Variants in ZCCHC7 observed in about 807,000 individuals in gnomAD.
ZCCHC7 encodes zinc finger CCHC-type containing 7.
ZCCHC7 carries 35 observed loss-of-function variants against 52.0 expected under a neutral mutation model. The ratio of observed to expected loss-of-function variants is 0.67; its 90% CI spans 0.51 to 0.89. The LOEUF (loss-of-function observed/expected upper bound fraction) is 0.89, where lower values mean the gene tolerates loss of function less well. Among genes scored for constraint, ZCCHC7 ranks in the 40% least tolerant of loss-of-function variants. ZCCHC7 has a pLI of 0.00. For synonymous variants in ZCCHC7, 217 were observed against 221.5 expected (o/e 0.98, Z 0.18); for missense variants, 574 against 649.1 (o/e 0.88, Z 1.26).
intron 2 of ZCCHC7, among the ~76,000 whole-genome samples, chr9:37,198,738 A>G (rs1159562994): frequency 1.3e-5 from 2 of 152,198 alleles, no homozygotes; most frequent in African/African-American, 4.8e-5. Context: ...TCTCTAGTAC[A>G]GTATCTTAGG....
At chr9:37,254,279 A>T (rs1293292005) in intron 2 of ZCCHC7, among the ~76,000 whole-genome samples, 1 of 152,094 alleles carries the variant, frequency 6.6e-6, no homozygotes, top group Non-Finnish European at 1.5e-5. Flanking sequence ...GAATAAATGT[A>T]GTTTAAGATA....
chr9:37,174,304 A>C (rs1344874486), intron 2 of ZCCHC7, among the ~76,000 whole-genome samples: 1 of 152,148 alleles, frequency 6.6e-6, no homozygotes, highest in East Asian at 1.9e-4. Context: ...TGACAGAGCA[A>C]GGCCCTGTCT....
chr9:37,260,717 A>G (rs1430290521), intron 2 of ZCCHC7, among the ~76,000 whole-genome samples: 2 of 152,172 alleles, frequency 1.3e-5, no homozygotes, highest in Non-Finnish European at 2.9e-5. Flanking sequence ...GTTTTCATGC[A>G]GGTATTCAGT....
intron 2 of ZCCHC7, chr9:37,284,401 AC>A (rs1021757579): frequency 2.0e-5 from 3 of 151,986 alleles, no homozygotes; most frequent in African/African-American, 7.3e-5. Flanking sequence ...ACAAAAAAAT[AC>A]CTTTTTTGCA....
At chr9:37,319,322 T>A (rs199812657) in intron 5 of ZCCHC7, among the ~76,000 whole-genome samples, 1 of 152,240 alleles carries the variant, frequency 6.6e-6, no homozygotes, top group Non-Finnish European at 1.5e-5. Flanking sequence ...GTCCATAGTT[T>A]GTCTTCTTAT....
chr9:37,288,094 C>T (rs1395102387), intron 2 of ZCCHC7, among the ~76,000 whole-genome samples: 3 of 151,908 alleles, frequency 2.0e-5, no homozygotes, highest in African/African-American at 7.3e-5. Flanking sequence ...GCCTGGGCAT[C>T]ATAGCAAAAC....
chr9:37,240,824 T>G (rs988196792), intron 2 of ZCCHC7, among the ~76,000 whole-genome samples: 6 of 151,846 alleles, frequency 4.0e-5, no homozygotes, highest in Non-Finnish European at 8.9e-5. Flanking sequence ...TTTGTGTTTG[T>G]TATTGTTAAG....
chr9:37,223,665 G>A (rs945691736), intron 2 of ZCCHC7, among the ~76,000 whole-genome samples: 4 of 152,062 alleles, frequency 2.6e-5, no homozygotes, highest in Non-Finnish European at 4.4e-5. Context: ...TTTTACCACA[G>A]TAAAAGAGAA....
At chr9:37,157,400 C>T (rs946196240) in intron 2 of ZCCHC7, among the ~76,000 whole-genome samples, 1 of 151,884 alleles carries the variant, frequency 6.6e-6, no homozygotes, top group African/African-American at 2.4e-5. Context: ...CTGAGGCAGG[C>T]AGATTCCCTT....
At chr9:37,284,393 A>C (rs1828114124) in intron 2 of ZCCHC7, 2 of 152,212 alleles carry the variant, frequency 1.3e-5, no homozygotes, top group Non-Finnish European at 2.9e-5. Flanking sequence ...TTATACACAC[A>C]AAAAAATACC....
chr9:37,142,301 G>A (rs1015922190), intron 2 of ZCCHC7, among the ~76,000 whole-genome samples: 2 of 151,514 alleles, frequency 1.3e-5, no homozygotes, highest in Non-Finnish European at 3.0e-5. Flanking sequence ...TCCTTTGATT[G>A]TACCTCATGG....
chr9:37,143,612 G>A (rs756268025), intron 2 of ZCCHC7, among the ~76,000 whole-genome samples: 4 of 151,336 alleles, frequency 2.6e-5, no homozygotes, highest in Non-Finnish European at 4.4e-5. Context: ...CCTAACAGGT[G>A]GAAATATCTA....
intron 2 of ZCCHC7, among the ~76,000 whole-genome samples, chr9:37,264,853 T>TA (rs1827028253): frequency 6.6e-6 from 1 of 152,174 alleles, no homozygotes; most frequent in African/African-American, 2.4e-5. Flanking sequence ...AAATTTCCTG[T>TA]AAAATGAGTT....
intron 2 of ZCCHC7, among the ~76,000 whole-genome samples, chr9:37,164,231 C>T (rs988277430): frequency 1.3e-5 from 2 of 152,062 alleles, no homozygotes; most frequent in Non-Finnish European, 2.9e-5. Context: ...CACTTGAGGT[C>T]AGGAGTTCGA....
intron 2 of ZCCHC7, among the ~76,000 whole-genome samples, chr9:37,292,104 A>G (rs1435145276): frequency 6.6e-6 from 1 of 152,222 alleles, no homozygotes; most frequent in Non-Finnish European, 1.5e-5. Flanking sequence ...GTTGCATTCC[A>G]CATGTTGCAT....
At chr9:37,337,290 A>G (rs1830716012) in intron 6 of ZCCHC7, among the ~76,000 whole-genome samples, 1 of 152,052 alleles carries the variant, frequency 6.6e-6, no homozygotes. Context: ...TATGGTTTTT[A>G]AATGCACTGT....
intron 2 of ZCCHC7, among the ~76,000 whole-genome samples, chr9:37,187,925 C>G (rs1385016770): frequency 6.6e-6 from 1 of 152,028 alleles, no homozygotes; most frequent in Non-Finnish European, 1.5e-5. Flanking sequence ...TCCTTTTGTC[C>G]TCTGTGGTTT....
In ZCCHC7 at chr9:37,354,930, A is replaced by AC; in HGVS notation, c.1198+106_1198+107insC. ...GGGGTCATTGGTTAGCATAGAAAGT[A>AC]TTTTTAGTAATTACCAAAGAGACTG... On this transcript the variant is annotated intron_variant, in intron 8 of 8. Coordinates refer to ENST00000336755, the MANE Select transcript of ZCCHC7 (RefSeq NM_032226.3). The surrounding 1 kb of genome is among the most constrained non-coding windows in gnomAD (Gnocchi z 4.0). 1 of 643,862 alleles carries AC rather than the reference A, an allele frequency of 1.6e-6. No homozygotes were observed. Among genetic ancestry groups the AC allele is most frequent in the Non-Finnish European group, 2.6e-6 (1 of 388,390 alleles). 39.9% of individuals were successfully genotyped at this position (643,862 alleles called of 1,614,324 possible). A position where few individuals can be genotyped will look rare whatever the true frequency, so the allele number is the denominator to read the frequency against.
At chr9:37,326,133 A>T (rs1830230796) in intron 5 of ZCCHC7, 1 of 152,176 alleles carries the variant, frequency 6.6e-6, no homozygotes, top group Admixed American at 6.5e-5. Flanking sequence ...CAAATTATAT[A>T]TACACAGCAA....
Sources: gnomAD v4.1 joint callset for allele counts (sites outside exome capture counted in the v4.1 genomes callset) on GRCh38, gnomAD v4.1.1 for gene constraint, Gnocchi (gnomAD v3.1) non-coding constraint, MANE v1.5 for transcripts, NCBI Gene and HGNC (gene_info 2026-07-23, HGNC 2026-07-21) for gene names.